The following RGS16 variants were observed in gnomAD, a reference collection of about 807,000 sequenced individuals.
RGS16 encodes the protein hRGS-r.
A neutral mutation model predicts 18.1 loss-of-function variants in RGS16; 12 were observed. That is an observed-to-expected ratio of 0.66 (90% CI 0.42 to 1.07). The LOEUF is 1.07. Ranked by LOEUF, RGS16 falls within the 50% of genes least tolerant of loss-of-function variation. The pLI is 0.00. For missense variants in RGS16, 238 were observed against 249.2 expected (o/e 0.95, Z 0.30); for synonymous variants, 88 against 102.0 (o/e 0.86, Z 0.83).
Position 182,598,958 on chromosome 1 carries a change from A to G in RGS16, c.*1334T>C, listed in dbSNP as rs956869068. The stretch of plus-strand genomic sequence containing the variant: ...AACCAATGATACAATACACTTAAAT[A>G]ATCTCCTGGAGGAGCTCATGGTACA... On this transcript the variant is annotated 3_prime_UTR_variant, in exon 5 of 5. Transcript: ENST00000367558. 6.6e-6 allele frequency: 1 copy of G among 152,494 alleles called. No homozygotes were observed. Among genetic ancestry groups the G allele is most frequent in the African/African-American group, 2.4e-5 (1 of 41,442 alleles). The allele number at this position is 152,494 out of a possible 1,614,324, so 9.4% of individuals were successfully genotyped here. A position where few individuals can be genotyped will look rare whatever the true frequency, so the allele number is the denominator to read the frequency against.
At chr1:182,603,112 G>C in intron 2 of RGS16, 117 bp downstream of exon 2, 2 of 761,264 alleles carry the variant, frequency 2.6e-6, no homozygotes, top group Non-Finnish European at 2.3e-6. Context: ...AAAATCTCTA[G>C]GGAGGTGTTG....
At chr1:182,602,513 A>T in intron 2 of RGS16, 29 bp from the exon 3 acceptor site, 1 of 1,588,566 alleles carries the variant, frequency 6.3e-7, no homozygotes, top group Non-Finnish European at 8.6e-7. Flanking sequence ...AAAAAAGAGT[A>T]AGAAAAAAAA....
Position 182,600,403 on chromosome 1 carries a change from GTCCTTC to G in RGS16, c.492_497del (p.Glu164_Lys165del). On this transcript the variant is annotated inframe_deletion, in exon 5 of 5. Transcript: ENST00000367558. The stretch of plus-strand genomic sequence containing the variant: ...GCGACTTCAGGAAGCGTGGGTAGGA[GTCCTTC>G]TCCATCAGGGTACGTGTCTTCCCCT... The G allele has an allele frequency of 6.2e-7, 1 of 1,614,058 alleles. No individual in the cohort carries two copies. The highest frequency in any genetic ancestry group is 8.5e-7 in the Non-Finnish European group (1 of 1,180,002).
Position 182,600,156 on chromosome 1 carries a change from ATTTTTTTTT to A in RGS16, c.*127_*135del, listed in dbSNP as rs970909010. On this transcript the variant is annotated 3_prime_UTR_variant, in exon 5 of 5. Transcript: ENST00000367558. ...CTTCCCAAACAGGCTGCTGGAGCGC[ATTTTTTTTT>A]TTTTTTTTTTTTTTTTTGTCCTCTT... 20 of 329,986 alleles carry A rather than the reference ATTTTTTTTT, an allele frequency of 6.1e-5. No homozygotes were observed. The highest frequency in any genetic ancestry group is 2.9e-4 in the African/African-American group (7 of 24,392). The allele number at this position is 329,986 out of a possible 1,614,324, so 20.4% of individuals were successfully genotyped here. A position where few individuals can be genotyped will look rare whatever the true frequency, so the allele number is the denominator to read the frequency against.
At chr1:182,600,983 C>T (rs1404610504) in intron 4 of RGS16, among the ~76,000 whole-genome samples, 1 of 152,216 alleles carries the variant, frequency 6.6e-6, no homozygotes, top group Non-Finnish European at 1.5e-5. Flanking sequence ...GCTGGGCCCA[C>T]GAGGCTCCCC....
Position 182,603,247 on chromosome 1 carries a change from C to G in RGS16, c.137G>C (p.Ser46Thr). Residue 46 changes from serine (S) to threonine (T), a missense_variant, in exon 2 of 5, where the codon AGT (serine) becomes ACT (threonine). Ser to Thr is a moderately conservative substitution (Grantham distance 58). Coordinates refer to ENST00000367558, the MANE Select transcript of RGS16 (RefSeq NM_002928.4). ...TGSTGKFEWG[S>T]KHSKENRNFS... ...CACTTACTTCTCTTTGCTGTGTTTA[C>G]TGCCCCACTCGAACTTGCCAGTACT... The G allele has an allele frequency of 6.2e-7, 1 of 1,613,452 alleles. No homozygotes were observed.
rs905185327 is a variant in RGS16, at chr1:182,598,909, A to T, written c.*1383T>A. 1.3e-5 allele frequency: 2 copies of T among 152,632 alleles called. No individual in the cohort carries two copies. Among genetic ancestry groups the T allele is most frequent in the Non-Finnish European group, 2.9e-5 (2 of 68,056 alleles). 9.5% of individuals were successfully genotyped at this position (152,632 alleles called of 1,614,324 possible). On this transcript the variant is annotated 3_prime_UTR_variant, in exon 5 of 5. Coordinates refer to ENST00000367558, the MANE Select transcript of RGS16 (RefSeq NM_002928.4). The stretch of plus-strand genomic sequence containing the variant: ...TAACAACAGCACCAACAATAACAAA[A>T]ACAATGTTATGACAATCACAGAAAA...
intron 1 of RGS16, 35 bp downstream of exon 1, chr1:182,604,181 G>A: frequency 6.4e-7 from 1 of 1,550,692 alleles, no homozygotes; most frequent in Non-Finnish European, 8.7e-7. Context: ...GAGTTGGTGG[G>A]ACTTCCCCCA....
chr1:182,601,923 A>G, intron 4 of RGS16, 43 bp downstream of exon 4: 1 of 1,610,446 alleles, frequency 6.2e-7, no homozygotes, highest in Non-Finnish European at 8.5e-7. Flanking sequence ...GGGAAGGAGC[A>G]GGCAGGGTCG....
Position 182,600,526 on chromosome 1 carries a change from G to C in RGS16, c.388-13C>G. 2 of 1,611,260 alleles carry C rather than the reference G, an allele frequency of 1.2e-6. No individual in the cohort carries two copies. The highest frequency in any genetic ancestry group is 1.7e-6 in the Non-Finnish European group (2 of 1,177,466). ...GGTCAATGTTGACCTGCGGGAAGGA[G>C]GACACACACAGGGTGAGTTGGGGAA... On this transcript the variant is annotated splice_polypyrimidine_tract_variant and intron_variant, in intron 4 of 4. Transcript: ENST00000367558.
At chr1:182,601,863 T>G (rs2102380928) in intron 4 of RGS16, 103 bp downstream of exon 4, 1 of 1,441,636 alleles carries the variant, frequency 6.9e-7, no homozygotes, top group Non-Finnish European at 9.7e-7. Flanking sequence ...AGTAAGGCCC[T>G]TCTACCTCTA....
At position 182,603,222 on chromosome 1, in the gene RGS16, C is replaced by T. The variant is rs748293356; in HGVS notation, c.155+7G>A. Reference sequence around the variant, plus strand: ...CTCGGAGCCCTGAGCTGGTCAGCAACACTTACTTCTCTTTGCTGTGTTTAC... The same window carrying T: ...CTCGGAGCCCTGAGCTGGTCAGCAATACTTACTTCTCTTTGCTGTGTTTAC... On this transcript the variant is annotated splice_region_variant and intron_variant, in intron 2 of 4. Coordinates refer to ENST00000367558, the MANE Select transcript of RGS16 (RefSeq NM_002928.4). 1.0e-5 allele frequency: 16 copies of T among 1,599,870 alleles called. No homozygotes were observed. The Admixed American group carries it at 2.7e-4, about 27-fold the overall frequency.
At chr1:182,602,311 T>C in intron 3 of RGS16, 109 bp downstream of exon 3, 13 of 1,062,576 alleles carry the variant, frequency 1.2e-5, no homozygotes, top group East Asian at 4.8e-5. Context: ...ATTATTATTA[T>C]TACTACTACT....
At chr1:182,601,794 T>A (rs931779529) in intron 4 of RGS16, 172 bp downstream of exon 4, 22 of 733,314 alleles carry the variant, frequency 3.0e-5, no homozygotes, top group Non-Finnish European at 4.8e-5. Context: ...CACCCAGGAG[T>A]GGCACTGGGC....
chr1:182,603,459 T>A lies in RGS16; in HGVS notation c.45-120A>T, dbSNP rs1571279838. The A allele has an allele frequency of 4.8e-5, 34 of 711,926 alleles. No individual in the cohort carries two copies. In the East Asian group the frequency reaches 8.8e-4, roughly 18 times the overall value. The allele number at this position is 711,926 out of a possible 1,614,324, so 44.1% of individuals were successfully genotyped here. A position where few individuals can be genotyped will look rare whatever the true frequency, so the allele number is the denominator to read the frequency against. ...CCCAAACTTTAGCCTCAAGAGTTCCTGGAAACTCTTGGCTGTCCCCAGGCC... is the reference window on the plus strand; with the variant it reads ...CCCAAACTTTAGCCTCAAGAGTTCCAGGAAACTCTTGGCTGTCCCCAGGCC... On this transcript the variant is annotated intron_variant, in intron 1 of 4. Coordinates refer to ENST00000367558, the MANE Select transcript of RGS16 (RefSeq NM_002928.4).
rs1305052846 is a variant in RGS16, at chr1:182,602,135, G to A, written c.221-3C>T. ...AGCGTGGAAGGCAGCCACTCCATCT[G>A]GGGTTGCGGGAAAGAAGAGGAAATA... On this transcript the variant is annotated splice_polypyrimidine_tract_variant and splice_region_variant and intron_variant, in intron 3 of 4. Coordinates refer to ENST00000367558, the MANE Select transcript of RGS16 (RefSeq NM_002928.4). The A allele has an allele frequency of 6.2e-7, 1 of 1,614,000 alleles. No homozygotes were observed. The highest frequency in any genetic ancestry group is 1.3e-5 in the African/African-American group (1 of 75,012).
intron 4 of RGS16, among the ~76,000 whole-genome samples, chr1:182,601,582 TCA>T (rs1558488619): frequency 1.3e-5 from 2 of 152,156 alleles, no homozygotes; most frequent in East Asian, 3.9e-4. Flanking sequence ...GACAAAAAAA[TCA>T]CAGACCACAG....
At position 182,603,275 on chromosome 1, in the gene RGS16, C is replaced by G; in HGVS notation, c.109G>C (p.Gly37Arg). The change falls in exon 2 of 5, where the codon GGG becomes CGG. Residue 37 changes from glycine to arginine, a missense_variant. Physicochemically the swap from Gly to Arg is moderately radical, Grantham distance 125. Coordinates refer to ENST00000367558, the MANE Select transcript of RGS16 (RefSeq NM_002928.4). The part of the protein sequence containing the change: ...LHKSELGCDT[G>R]STGKFEWGSK... Reference sequence around the variant, plus strand: ...CCCCACTCGAACTTGCCAGTACTCCCAGTATCGCAGCCCAGCTCTGATTTG... The same window carrying G: ...CCCCACTCGAACTTGCCAGTACTCCGAGTATCGCAGCCCAGCTCTGATTTG... The G allele has an allele frequency of 1.2e-6, 2 of 1,614,194 alleles. No individual in the cohort carries two copies. Among genetic ancestry groups the G allele is most frequent in the Non-Finnish European group, 1.7e-6 (2 of 1,180,016 alleles).
chr1:182,600,253 A>G lies in RGS16; in HGVS notation c.*39T>C, dbSNP rs772997129. 3.2e-6 allele frequency: 5 copies of G among 1,586,296 alleles called. No homozygotes were observed. The highest frequency in any genetic ancestry group is 1.1e-5 in the South Asian group (1 of 90,498). ...AGCCACCTCGGGGATGGGTGACTCA[A>G]CCTCTCTTCCCGGCTGGCTTCCTCA... is the stretch of plus-strand genomic sequence containing the variant. On this transcript the variant is annotated 3_prime_UTR_variant, in exon 5 of 5. Coordinates refer to ENST00000367558, the MANE Select transcript of RGS16 (RefSeq NM_002928.4).
Sources: allele counts gnomAD v4.1 joint callset (sites outside exome capture counted in the v4.1 genomes callset), GRCh38; gene constraint gnomAD v4.1.1; transcripts MANE v1.5; gene names NCBI Gene and HGNC (gene_info 2026-07-23, HGNC 2026-07-21).